Variants in PHACTR1 observed in about 807,000 individuals in gnomAD.
PHACTR1 encodes RPEL repeat containing 1.
Under a neutral mutation model 69.2 loss-of-function variants are expected in PHACTR1, and 16 were observed. The ratio of observed to expected loss-of-function variants is 0.23; its 90% confidence interval spans 0.16 to 0.35. The LOEUF (loss-of-function observed/expected upper bound fraction) is 0.35, where lower values mean the gene tolerates loss of function less well. PHACTR1 is among the 10% of genes least tolerant of loss of function. PHACTR1 has a pLI of 1.00. For missense variants in PHACTR1, 510 were observed against 734.7 expected (o/e 0.69, Z 3.54); for synonymous variants, 312 against 284.5 (o/e 1.10, Z -0.97).
chr6:13,162,432 C>G (rs1759181286), intron 6 of PHACTR1, among the ~76,000 whole-genome samples: 1 of 151,962 alleles, frequency 6.6e-6, no homozygotes, highest in Admixed American at 6.6e-5. Flanking sequence ...CGGCCCCTCC[C>G]TTGTTCTAAC....
chr6:13,150,409 G>A (rs1326766820), intron 5 of PHACTR1, among the ~76,000 whole-genome samples: 1 of 151,980 alleles, frequency 6.6e-6, no homozygotes, highest in Admixed American at 6.6e-5. Context: ...GCTTTCCTTG[G>A]ATTATCAAGT....
chr6:13,108,394 G>T (rs779014679), intron 5 of PHACTR1, among the ~76,000 whole-genome samples: 1 of 151,896 alleles, frequency 6.6e-6, no homozygotes, highest in East Asian at 1.9e-4. Context: ...AGATCAAGCT[G>T]GTTTAAAGTA....
chr6:12,829,835 G>A (rs1777217972), intron 4 of PHACTR1, among the ~76,000 whole-genome samples: 1 of 151,072 alleles, frequency 6.6e-6, no homozygotes, highest in East Asian at 1.9e-4. Flanking sequence ...ACTGGCACCT[G>A]TAATCCCAGC....
chr6:13,135,564 C>T lies in PHACTR1; in HGVS notation c.416-24640C>T, dbSNP rs182469653. ...GATACATTTGCAAGTCAAAGAAAAC[C>T]GTTTCTTAGCCCACAGGTCTTAATC... On this transcript the variant is annotated intron_variant, in intron 5 of 14. Transcript: ENST00000332995. Among the ~76,000 whole-genome samples the T allele has an allele frequency of 2.0e-5, 3 of 152,270 alleles. No individual in the cohort carries two copies. In the East Asian group the frequency reaches 5.8e-4, roughly 29 times the overall value.
At chr6:13,144,772 G>GAAAAAA (rs11326657) in intron 5 of PHACTR1, among the ~76,000 whole-genome samples, 1,099 of 18,452 alleles carry the variant, frequency 0.06, 15 homozygotes, top group African/African-American at 0.1. Context: ...CCCTGTCTCA[G>GAAAAAA]AAAAAAAAAA....
At chr6:12,876,490 G>C (rs1159540849) in intron 4 of PHACTR1, among the ~76,000 whole-genome samples, 1 of 152,144 alleles carries the variant, frequency 6.6e-6, no homozygotes, top group African/African-American at 2.4e-5. Flanking sequence ...ATGAGAAAAT[G>C]ATCTTCTAAA....
At position 12,749,810 on chromosome 6, in the gene PHACTR1, C is replaced by T; in HGVS notation, c.250+20C>T. 3 of 1,562,370 alleles carry T rather than the reference C, an allele frequency of 1.9e-6. No individual in the cohort carries two copies. In the South Asian group the frequency reaches 3.5e-5, roughly 18 times the overall value. ...GGGCAGGTAAGAACGCCCCTGGCGCCGCGCCCCCGCCCCCGCCCTGCTCCC... is the reference window on the plus strand; with the variant it reads ...GGGCAGGTAAGAACGCCCCTGGCGCTGCGCCCCCGCCCCCGCCCTGCTCCC... On this transcript the variant is annotated intron_variant, in intron 4 of 14. Transcript: ENST00000332995.
chr6:12,791,598 T>C (rs1268440663), intron 4 of PHACTR1, among the ~76,000 whole-genome samples: 1 of 152,220 alleles, frequency 6.6e-6, no homozygotes, highest in Non-Finnish European at 1.5e-5. Context: ...AGGCTGGCTT[T>C]GAAGCCTCAT....
chr6:13,228,461 C>A (rs568699557), intron 9 of PHACTR1, among the ~76,000 whole-genome samples: 1 of 152,326 alleles, frequency 6.6e-6, no homozygotes, highest in Admixed American at 6.5e-5. Flanking sequence ...ACTTTTTAAG[C>A]ATACCTCAGC....
chr6:13,179,404 T>TTG lies in PHACTR1; in HGVS notation c.497-3115_497-3114insTG, dbSNP rs1159935117. Among the ~76,000 whole-genome samples, 2 of 75,904 alleles carry TTG rather than the reference T, an allele frequency of 2.6e-5. No homozygotes were observed. The highest frequency in any genetic ancestry group is 1.5e-4 in the Admixed American group (1 of 6,814). The allele number at this position is 75,904 out of a possible 152,430, so 49.8% of individuals were successfully genotyped here. On this transcript the variant is annotated intron_variant, in intron 6 of 14. Transcript: ENST00000332995. The surrounding 1 kb of genome is among the most constrained non-coding windows in gnomAD (Gnocchi z 4.2). ...ATATACAGCCCATTACATTAATGTT[T>TTG]CGTGTGTGTGTGTGTGTGTGTGTGT...
At chr6:12,889,442 A>G (rs1387170434) in intron 4 of PHACTR1, among the ~76,000 whole-genome samples, 1 of 152,186 alleles carries the variant, frequency 6.6e-6, no homozygotes, top group Non-Finnish European at 1.5e-5. Flanking sequence ...GAGAACTACA[A>G]ATGTAAAGAA....
chr6:12,908,277 T>A (rs1246021385), intron 4 of PHACTR1, among the ~76,000 whole-genome samples: 4 of 152,160 alleles, frequency 2.6e-5, no homozygotes, highest in Non-Finnish European at 5.9e-5. Flanking sequence ...CAGACCAAAC[T>A]TTTCCTGTTT....
Position 13,136,487 on chromosome 6 carries a change from A to G in PHACTR1, c.416-23717A>G, listed in dbSNP as rs575235458. Among the ~76,000 whole-genome samples, 6 of 152,346 alleles carry G rather than the reference A, an allele frequency of 3.9e-5. No individual in the cohort carries two copies. The East Asian group carries it at 7.7e-4, about 20-fold the overall frequency. The stretch of plus-strand genomic sequence containing the variant: ...CTGGGTTTGATCTTCTATCCAAACT[A>G]TTTAGACTTTCTCCATATCAGCAAC... On this transcript the variant is annotated intron_variant, in intron 5 of 14. Coordinates refer to ENST00000332995, the MANE Select transcript of PHACTR1 (RefSeq NM_030948.6).
At chr6:12,784,349 CATACAT>C (rs1771228952) in intron 4 of PHACTR1, among the ~76,000 whole-genome samples, 2 of 151,444 alleles carry the variant, frequency 1.3e-5, no homozygotes, top group African/African-American at 4.9e-5. Context: ...TACATATACA[CATACAT>C]ATATATCTAT....
At chr6:12,758,392 T>C (rs1028963939) in intron 4 of PHACTR1, among the ~76,000 whole-genome samples, 1 of 145,800 alleles carries the variant, frequency 6.9e-6, no homozygotes, top group African/African-American at 2.6e-5. Flanking sequence ...GCAGAGACCA[T>C]GTGAGCAGAG....
chr6:12,816,612 G>C (rs1185286053), intron 4 of PHACTR1, among the ~76,000 whole-genome samples: 1 of 152,130 alleles, frequency 6.6e-6, no homozygotes, highest in Non-Finnish European at 1.5e-5. Flanking sequence ...CAACTTTAGG[G>C]TATCATACAG....
chr6:12,943,322 G>A (rs2086304883), intron 4 of PHACTR1, among the ~76,000 whole-genome samples: 1 of 152,222 alleles, frequency 6.6e-6, no homozygotes, highest in African/African-American at 2.4e-5. Flanking sequence ...ACAGAGACAG[G>A]AGGCAGGTTG....
At chr6:13,182,969 A>G (rs1762384627) in intron 7 of PHACTR1, among the ~76,000 whole-genome samples, 2 of 152,142 alleles carry the variant, frequency 1.3e-5, no homozygotes, top group Admixed American at 1.3e-4. Context: ...TTAAAATATT[A>G]TTATTTTGTT....
chr6:12,979,587 C>T (rs1057132822), intron 4 of PHACTR1, among the ~76,000 whole-genome samples: 1 of 152,112 alleles, frequency 6.6e-6, no homozygotes, highest in African/African-American at 2.4e-5. Flanking sequence ...TTGCTTGCAT[C>T]ATGTTGTTTT....
Sources: gnomAD v4.1 joint callset for allele counts (sites outside exome capture counted in the v4.1 genomes callset) on GRCh38, gnomAD v4.1.1 for gene constraint, Gnocchi (gnomAD v3.1) non-coding constraint, MANE v1.5 for transcripts, NCBI Gene and HGNC (gene_info 2026-07-23, HGNC 2026-07-21) for gene names.